OSBPL11: variants seen among roughly 807,000 people sequenced by gnomAD.
OSBPL11 encodes the protein oxysterol binding protein like 11, also known as oxysterol-binding protein-related protein 11.
In OSBPL11, 33 loss-of-function variants were observed where a neutral mutation model predicts 84.4. That is an observed-to-expected ratio of 0.39 (90% confidence interval 0.30 to 0.52). The LOEUF (loss-of-function observed/expected upper bound fraction) is 0.52, where lower values mean the gene tolerates loss of function less well. OSBPL11 is among the 20% of genes least tolerant of loss of function. The pLI, the probability that OSBPL11 is intolerant of heterozygous loss-of-function variation, is 0.72. For synonymous variants in OSBPL11, 276 were observed against 310.2 expected (o/e 0.89, Z 1.16); for missense variants, 736 against 901.1 (o/e 0.82, Z 2.35).
At chr3:125,553,538 G>A (rs1349226302) in intron 8 of OSBPL11, among the ~76,000 whole-genome samples, 2 of 152,180 alleles carry the variant, frequency 1.3e-5, no homozygotes, top group African/African-American at 2.4e-5. Context: ...TGGTTTAAAC[G>A]TCTGAGAAAG....
intron 12 of OSBPL11, 47 bp downstream of exon 12, chr3:125,531,814 C>G (rs150243493): frequency 6.5e-7 from 1 of 1,542,912 alleles, no homozygotes; most frequent in East Asian, 2.3e-5. Flanking sequence ...AGCTAAAGTT[C>G]TCAGCCAAGT....
At chr3:125,544,055 T>C (rs985652722) in intron 10 of OSBPL11, among the ~76,000 whole-genome samples, 1 of 151,824 alleles carries the variant, frequency 6.6e-6, no homozygotes, top group South Asian at 2.1e-4. Flanking sequence ...TTGATGAGCA[T>C]CCTTATGAAC....
chr3:125,594,733 G>C lies in OSBPL11; in HGVS notation c.68C>G (p.Ala23Gly). Reference sequence around the variant, plus strand: ...GTTCTTGTTCGGGGTCACCGCTGTGGCCTGGCCCTCCAGCTTTCCTTCGCT... The same window carrying C: ...GTTCTTGTTCGGGGTCACCGCTGTGCCCTGGCCCTCCAGCTTTCCTTCGCT... ...SESEGKLEGQ[A>G]TAVTPNKNSS... The change falls in exon 1 of 13, where the codon GCC becomes GGC. Residue 23 changes from alanine (A) to glycine (G), a missense_variant. Physicochemically the swap from Ala to Gly is moderately conservative, Grantham distance 60 (BLOSUM62 0). Coordinates refer to ENST00000296220, the MANE Select transcript of OSBPL11 (RefSeq NM_022776.5). 1 of 1,614,186 alleles carries C rather than the reference G, an allele frequency of 6.2e-7. No homozygotes were observed.
chr3:125,540,390 CAAAG>C (rs1463418324), intron 10 of OSBPL11, among the ~76,000 whole-genome samples: 1 of 139,328 alleles, frequency 7.2e-6, no homozygotes, highest in Non-Finnish European at 1.5e-5. Context: ...TCACTGGACA[CAAAG>C]AACACTACGA....
Position 125,582,995 on chromosome 3 carries a change from A to G in OSBPL11, c.165-17T>C, listed in dbSNP as rs781271023. ...ATGTGATCACTATTTCAAAATGAAAAAGCCAAAGTTAGTAAAAATTAGAAG... is the reference window on the plus strand; with the variant it reads ...ATGTGATCACTATTTCAAAATGAAAGAGCCAAAGTTAGTAAAAATTAGAAG... On this transcript the variant is annotated splice_polypyrimidine_tract_variant and intron_variant, in intron 1 of 12. Coordinates refer to ENST00000296220, the MANE Select transcript of OSBPL11 (RefSeq NM_022776.5). 2.6e-6 allele frequency: 4 copies of G among 1,558,164 alleles called. No individual in the cohort carries two copies. The highest frequency in any genetic ancestry group is 3.5e-6 in the Non-Finnish European group (4 of 1,154,710).
chr3:125,549,417 T>A (rs1190638309), intron 9 of OSBPL11, among the ~76,000 whole-genome samples: 1 of 152,190 alleles, frequency 6.6e-6, no homozygotes, highest in Non-Finnish European at 1.5e-5. Flanking sequence ...CAATAAAAAA[T>A]TATTTACATA....
intron 2 of OSBPL11, among the ~76,000 whole-genome samples, chr3:125,582,208 G>A (rs1483585904): frequency 6.6e-6 from 1 of 151,786 alleles, no homozygotes; most frequent in East Asian, 1.9e-4. Context: ...GGTGGCGCAT[G>A]CCTGTAATTC....
At chr3:125,591,985 G>A (rs892767085) in intron 1 of OSBPL11, among the ~76,000 whole-genome samples, 9 of 152,004 alleles carry the variant, frequency 5.9e-5, no homozygotes, top group African/African-American at 2.2e-4. Flanking sequence ...CTGGGAGACA[G>A]AGAGAGACCT....
chr3:125,540,173 C>A (rs1271906087), intron 10 of OSBPL11, among the ~76,000 whole-genome samples: 1 of 151,486 alleles, frequency 6.6e-6, no homozygotes, highest in Non-Finnish European at 1.5e-5. Context: ...ACTAAAAATA[C>A]AAAAAATTAG....
At chr3:125,570,017 T>C (rs1019959157) in intron 5 of OSBPL11, among the ~76,000 whole-genome samples, 3 of 152,174 alleles carry the variant, frequency 2.0e-5, no homozygotes, top group Non-Finnish European at 2.9e-5. Flanking sequence ...TTTGTGTACT[T>C]TTCTATAGTA....
chr3:125,583,029 G>T (rs747373040), intron 1 of OSBPL11, 51 bp from the exon 2 acceptor site: 4 of 1,302,276 alleles, frequency 3.1e-6, no homozygotes, highest in Non-Finnish European at 3.2e-6. Context: ...AGAAATCCCA[G>T]GAGGATAATG....
intron 7 of OSBPL11, among the ~76,000 whole-genome samples, chr3:125,561,297 C>T (rs1936075529): frequency 6.6e-6 from 1 of 152,196 alleles, no homozygotes; most frequent in African/African-American, 2.4e-5. Context: ...CACACCCGGC[C>T]CCTTAATTGT....
chr3:125,543,124 A>ATTTTTTTTTTTTTTTTTTTTTTTT (rs60571172), intron 10 of OSBPL11, among the ~76,000 whole-genome samples: 1 of 99,280 alleles, frequency 1.0e-5, no homozygotes. Flanking sequence ...GGCTAGTAAG[A>ATTTTTTTTTTTTTTTTTTTTTTTT]TTTTTTTTTT....
Position 125,589,933 on chromosome 3 carries a change from A to T in OSBPL11, c.164+4704T>A, listed in dbSNP as rs191373672. Among the ~76,000 whole-genome samples the T allele has an allele frequency of 1.4e-3, 212 of 152,148 alleles. 3 individuals are homozygous for T. The highest frequency in any genetic ancestry group is 2.7e-3 in the East Asian group (14 of 5,180). On this transcript the variant is annotated intron_variant, in intron 1 of 12. Transcript: ENST00000296220. ...TAGCCAGTGAGGAGCTCAAAATTTT[A>T]AAAAAAAGCAGGCCATCAAACACCC... is the stretch of plus-strand genomic sequence containing the variant.
chr3:125,547,812 T>C (rs1344526330), intron 9 of OSBPL11, among the ~76,000 whole-genome samples: 81 of 152,198 alleles, frequency 5.3e-4, no homozygotes, highest in Non-Finnish European at 2.5e-4. Flanking sequence ...TTCCATCAAT[T>C]TGAGGTTCAT....
rs1936111021 is a variant in OSBPL11, at chr3:125,563,727, G to A, written c.985C>T (p.Pro329Ser). The A allele has an allele frequency of 6.2e-7, 1 of 1,613,952 alleles. No individual in the cohort carries two copies. Among genetic ancestry groups the A allele is most frequent in the African/African-American group, 1.3e-5 (1 of 74,890 alleles). The change falls in exon 7 of 13, where the codon CCT (proline) becomes TCT (serine). Residue 329 changes from proline (P) to serine (S), a missense_variant. This residue lies in a region of OSBPL11 where 579 missense variants were observed against 717.6 expected (regional missense o/e 0.81). Coordinates refer to ENST00000296220, the MANE Select transcript of OSBPL11 (RefSeq NM_022776.5). ...SKPVAVPEEQ[P>S]VAESGLLARE... The stretch of plus-strand genomic sequence containing the variant: ...GCTAATAGTCCAGATTCTGCAACAG[G>A]CTGCTCTTCTGGGACTGCCACCGGC...
intron 11 of OSBPL11, among the ~76,000 whole-genome samples, chr3:125,533,313 C>G (rs1209218284): frequency 6.6e-6 from 1 of 151,814 alleles, no homozygotes; most frequent in Admixed American, 6.6e-5. Flanking sequence ...CAACCTCTGC[C>G]TCCCGGACTC....
chr3:125,554,437 C>G (rs1469580589), intron 8 of OSBPL11, among the ~76,000 whole-genome samples: 1 of 152,212 alleles, frequency 6.6e-6, no homozygotes, highest in Non-Finnish European at 1.5e-5. Context: ...GACACCAAGT[C>G]TCCCAACAAA....
At chr3:125,540,828 C>A (rs75140169) in intron 10 of OSBPL11, among the ~76,000 whole-genome samples, 9 of 152,194 alleles carry the variant, frequency 5.9e-5, no homozygotes, top group African/African-American at 2.2e-4. Flanking sequence ...AAAAACAGCA[C>A]GAAGAGAAGT....
Sources: gnomAD v4.1 joint callset for allele counts (sites outside exome capture counted in the v4.1 genomes callset) on GRCh38, gnomAD v4.1.1 for gene constraint, gnomAD v4.1.1 regional missense constraint, MANE v1.5 for transcripts, NCBI Gene and HGNC (gene_info 2026-07-23, HGNC 2026-07-21) for gene names.